Variants in PPM1L observed in about 807,000 individuals in gnomAD.
PPM1L encodes the protein protein phosphatase 1L.
Under a neutral mutation model 31.4 loss-of-function variants are expected in PPM1L, and 13 were observed. The observed-to-expected ratio is 0.41, with a 90% CI of 0.27 to 0.66. The LOEUF (loss-of-function observed/expected upper bound fraction) is 0.66. PPM1L is among the 30% of genes least tolerant of loss of function. The pLI is 0.29. For missense variants in PPM1L, 326 were observed against 453.7 expected, an observed-to-expected ratio of 0.72 and a Z score of 2.56; for synonymous variants, 184 against 175.4, an observed-to-expected ratio of 1.05 and a Z score of -0.39.
chr3:160,914,275 T>A (rs542384214), intron 1 of PPM1L, among the ~76,000 whole-genome samples: 1 of 152,184 alleles, frequency 6.6e-6, no homozygotes, highest in Non-Finnish European at 1.5e-5. Context: ...GACTTCTTAG[T>A]ATTGAGTTGA....
Position 160,849,527 on chromosome 3 carries a change from T to C in PPM1L, c.399+92820T>C, listed in dbSNP as rs1714193884. On this transcript the variant is annotated intron_variant, in intron 1 of 3. Transcript: ENST00000498165. ...GCTCCACCTCCCGGGTTCATGCCAT[T>C]CTCCTGCCTCAGCCTCCCGAGTAGC... Among the ~76,000 whole-genome samples, 3 of 152,124 alleles carry C rather than the reference T, an allele frequency of 2.0e-5. No homozygotes were observed. The East Asian group carries it at 5.8e-4, about 29-fold the overall frequency.
intron 1 of PPM1L, among the ~76,000 whole-genome samples, chr3:160,928,798 C>G (rs902983924): frequency 6.6e-5 from 10 of 152,156 alleles, no homozygotes; most frequent in African/African-American, 2.2e-4. Context: ...TCTATGAGAA[C>G]AGGCCTTCGC....
chr3:160,885,334 T>A (rs1712876803), intron 1 of PPM1L, among the ~76,000 whole-genome samples: 2 of 152,324 alleles, frequency 1.3e-5, no homozygotes, highest in South Asian at 4.1e-4. Context: ...TAGTAGCAGA[T>A]CATTGGAGAA....
intron 1 of PPM1L, among the ~76,000 whole-genome samples, chr3:160,940,645 G>T (rs1715136013): frequency 6.6e-6 from 1 of 152,216 alleles, no homozygotes; most frequent in Non-Finnish European, 1.5e-5. Context: ...GCCAAGAATT[G>T]AGGTTTGGGA....
intron 2 of PPM1L, among the ~76,000 whole-genome samples, chr3:160,971,488 G>T (rs114510163): frequency 0.018 from 2,817 of 152,288 alleles, 78 homozygotes; most frequent in African/African-American, 0.063. Context: ...AGTAAAAACA[G>T]ACAACTAGAG....
chr3:160,995,074 A>C (rs756638345), intron 2 of PPM1L, among the ~76,000 whole-genome samples: 1 of 152,204 alleles, frequency 6.6e-6, no homozygotes, highest in Admixed American at 6.5e-5. Context: ...GTGGTGTAAA[A>C]CAAAAAGCAA....
At chr3:160,965,208 G>A (rs1329792170) in intron 2 of PPM1L, among the ~76,000 whole-genome samples, 1 of 151,306 alleles carries the variant, frequency 6.6e-6, no homozygotes, top group African/African-American at 2.4e-5. Context: ...CCGAGATCGC[G>A]CCACTGCACT....
chr3:160,858,604 T>C lies in PPM1L; in HGVS notation c.399+101897T>C, dbSNP rs565037173. ...TATAATGAATGGGACTACATTACCC[T>C]CAATAAAAGGTGGACAGTTTCACCC... On this transcript the variant is annotated intron_variant, in intron 1 of 3. Coordinates refer to ENST00000498165, the MANE Select transcript of PPM1L (RefSeq NM_139245.4). Among the ~76,000 whole-genome samples, 4 of 152,326 alleles carry C rather than the reference T, an allele frequency of 2.6e-5. No individual in the cohort carries two copies. In the South Asian group the frequency reaches 8.3e-4, roughly 32 times the overall value.
chr3:160,929,280 T>C (rs1714704027), intron 1 of PPM1L, among the ~76,000 whole-genome samples: 2 of 152,230 alleles, frequency 1.3e-5, no homozygotes, highest in South Asian at 2.1e-4. Flanking sequence ...TATACTTTAT[T>C]ACAATGACTT....
chr3:161,026,861 T>C (rs970229734), intron 2 of PPM1L, among the ~76,000 whole-genome samples: 1 of 152,190 alleles, frequency 6.6e-6, no homozygotes, highest in African/African-American at 2.4e-5. Flanking sequence ...TTGTTGAGTT[T>C]AAATCCTGGA....
intron 2 of PPM1L, among the ~76,000 whole-genome samples, chr3:161,014,860 G>A (rs1381275512): frequency 6.6e-6 from 1 of 152,164 alleles, no homozygotes; most frequent in African/African-American, 2.4e-5. Context: ...GATATTTGGG[G>A]ATGGGGGGAG....
At chr3:160,757,514 C>A (rs1290828192) in intron 1 of PPM1L, among the ~76,000 whole-genome samples, 2 of 152,240 alleles carry the variant, frequency 1.3e-5, no homozygotes, top group Non-Finnish European at 2.9e-5. Context: ...CAGTTCAGTT[C>A]CCTCTCCCAC....
chr3:160,793,592 A>T (rs906561262), intron 1 of PPM1L, among the ~76,000 whole-genome samples: 6 of 152,238 alleles, frequency 3.9e-5, no homozygotes, highest in African/African-American at 1.2e-4. Context: ...AAATAAGCTC[A>T]GTAAAGTGTG....
At chr3:160,842,332 G>C (rs1160499735) in intron 1 of PPM1L, 1 of 701,434 alleles carries the variant, frequency 1.4e-6, no homozygotes, top group Non-Finnish European at 2.6e-6. Flanking sequence ...GACTCATGAT[G>C]GGGGGTAATG....
At chr3:160,810,258 A>G (rs958842311) in intron 1 of PPM1L, among the ~76,000 whole-genome samples, 4 of 152,026 alleles carry the variant, frequency 2.6e-5, no homozygotes, top group Admixed American at 2.0e-4. Context: ...CTGTCCCTCA[A>G]GAGGTGATTA....
chr3:160,857,275 C>A (rs1250297982), intron 1 of PPM1L, among the ~76,000 whole-genome samples: 2 of 152,136 alleles, frequency 1.3e-5, no homozygotes, highest in African/African-American at 4.8e-5. Flanking sequence ...ATGTGCTTTT[C>A]ATAAAATTCA....
chr3:161,032,068 T>A (rs771460415), intron 2 of PPM1L, among the ~76,000 whole-genome samples: 5 of 152,220 alleles, frequency 3.3e-5, no homozygotes, highest in Admixed American at 6.5e-5. Context: ...ATTTTAGGGC[T>A]TGAACACAAG....
intron 1 of PPM1L, among the ~76,000 whole-genome samples, chr3:160,834,402 T>C (rs925930298): frequency 1.3e-5 from 2 of 152,044 alleles, no homozygotes; most frequent in African/African-American, 2.4e-5. Flanking sequence ...TGCCGTCTTA[T>C]TTCTGAGTTC....
rs560550338 is a variant in PPM1L, at chr3:160,849,862, A to G, written c.399+93155A>G. Among the ~76,000 whole-genome samples, 6 of 152,300 alleles carry G rather than the reference A, an allele frequency of 3.9e-5. No individual in the cohort carries two copies. In the East Asian group the frequency reaches 1.2e-3, roughly 29 times the overall value. ...CTTGGGCTGGAATCCGGGGATGATT[A>G]GGAAAAACAAGCCATGCCTTGTCTT... On this transcript the variant is annotated intron_variant, in intron 1 of 3. Coordinates refer to ENST00000498165, the MANE Select transcript of PPM1L (RefSeq NM_139245.4).
Sources: gnomAD v4.1 joint callset for allele counts (sites outside exome capture counted in the v4.1 genomes callset) on GRCh38, gnomAD v4.1.1 for gene constraint, MANE v1.5 for transcripts, NCBI Gene and HGNC (gene_info 2026-07-23, HGNC 2026-07-21) for gene names.